The following SULF2 variants were observed in gnomAD, a reference collection of about 807,000 sequenced individuals.
SULF2 encodes the protein extracellular sulfatase Sulf-2.
SULF2 carries 52 observed loss-of-function variants against 107.7 expected under a neutral mutation model. That is an observed-to-expected ratio of 0.48 (90% CI 0.39 to 0.61). The LOEUF (loss-of-function observed/expected upper bound fraction) is 0.61, where lower values mean the gene tolerates loss of function less well. Ranked by LOEUF, SULF2 falls within the 20% of genes least tolerant of loss-of-function variation. SULF2 has a pLI of 0.00. For synonymous variants in SULF2, 460 were observed against 464.3 expected (o/e 0.99, Z 0.12); for missense variants, 993 against 1,177.3 (o/e 0.84, Z 2.29).
intron 4 of SULF2, among the ~76,000 whole-genome samples, chr20:47,696,450 A>G (rs2088380752): frequency 6.6e-6 from 1 of 152,036 alleles, no homozygotes; most frequent in Non-Finnish European, 1.5e-5. Flanking sequence ...ACTGGGAATA[A>G]CCTTTCCAGT....
chr20:47,714,562 ACCTT>A (rs2146663491), intron 3 of SULF2, among the ~76,000 whole-genome samples: 1 of 152,086 alleles, frequency 6.6e-6, no homozygotes, highest in African/African-American at 2.4e-5. Context: ...TCCTGCCTCC[ACCTT>A]CAGCCCATCT....
At chr20:47,749,305 C>G (rs2090112824) in intron 2 of SULF2, among the ~76,000 whole-genome samples, 1 of 152,208 alleles carries the variant, frequency 6.6e-6, no homozygotes, top group Non-Finnish European at 1.5e-5. Flanking sequence ...CAAACCTAAT[C>G]CTGATACACT....
chr20:47,777,356 A>G (rs1266461901), intron 1 of SULF2, among the ~76,000 whole-genome samples: 4 of 152,086 alleles, frequency 2.6e-5, no homozygotes, highest in African/African-American at 9.7e-5. Context: ...TGATTAAAAG[A>G]GAGACAGCAA....
rs769487140 is a variant in SULF2 at position 47,680,715 on chromosome 20, C to T, written c.1065-1911G>A. 1.8e-4 allele frequency among the ~76,000 whole-genome samples: 27 copies of T among 152,184 alleles called. No homozygotes were observed. The highest frequency in any genetic ancestry group is 3.2e-3 in the Middle Eastern group (1 of 316). On this transcript the variant is annotated intron_variant, in intron 7 of 20. Transcript: ENST00000688720. This position sits in a 1 kb window ranked among gnomAD's most constrained non-coding sequence, Gnocchi z 4.2. ...GAGGCGCTACAACTGAATCCAGAGG[C>T]GAGGGAGCTGGGAAGACTGCTGAGC...
intron 1 of SULF2, among the ~76,000 whole-genome samples, chr20:47,783,585 G>A (rs893295067): frequency 6.6e-6 from 1 of 152,122 alleles, no homozygotes; most frequent in African/African-American, 2.4e-5. Flanking sequence ...CTACTCTCAA[G>A]TTTGAAAATT....
rs1046641831 is a variant in SULF2 at position 47,677,103 on chromosome 20, G to A, written c.1225C>T (p.Arg409Trp). The change falls in exon 9 of 21, where the codon CGG becomes TGG. Residue 409 changes from arginine (R) to tryptophan (W), a missense_variant. Coordinates refer to ENST00000688720, the MANE Select transcript of SULF2 (RefSeq NM_001387048.1). ...CCTCTCTCCACCAAGAAGGAGTCCC[G>A]CCAGACCCTCATCTTCTTTTTCAAG... ...FHLKKKMRVW[R>W]DSFLVERGKL... is the part of the protein sequence containing the mutation. 1.1e-5 allele frequency: 18 copies of A among 1,612,906 alleles called. No homozygotes were observed. Among genetic ancestry groups the A allele is most frequent in the Non-Finnish European group, 1.4e-5 (17 of 1,179,752 alleles).
At chr20:47,751,030 A>G (rs1001400918) in intron 2 of SULF2, among the ~76,000 whole-genome samples, 2 of 151,376 alleles carry the variant, frequency 1.3e-5, no homozygotes, top group Admixed American at 1.3e-4. Context: ...TCTCCTCCTC[A>G]CTTTCTGCTC....
At chr20:47,717,665 A>G (rs1198573563) in intron 3 of SULF2, among the ~76,000 whole-genome samples, 1 of 152,174 alleles carries the variant, frequency 6.6e-6, no homozygotes, top group African/African-American at 2.4e-5. Flanking sequence ...GCATCCTCCC[A>G]GAATTCATCC....
chr20:47,747,945 G>A lies in SULF2; in HGVS notation c.175+9244C>T, dbSNP rs549634156. On this transcript the variant is annotated intron_variant, in intron 2 of 20. Coordinates refer to ENST00000688720, the MANE Select transcript of SULF2 (RefSeq NM_001387048.1). ...GCTCTGCAGTGCCCCGTCCTGCTCCGTACCACCAGCATCTCCCACCTGGAC... is the reference window on the plus strand; with the variant it reads ...GCTCTGCAGTGCCCCGTCCTGCTCCATACCACCAGCATCTCCCACCTGGAC... Among the ~76,000 whole-genome samples, 61 of 152,134 alleles carry A rather than the reference G, an allele frequency of 4.0e-4. 1 individual carries two copies. The South Asian group carries it at 0.012, about 29-fold the overall frequency.
At chr20:47,711,695 A>C (rs1477106370) in intron 3 of SULF2, among the ~76,000 whole-genome samples, 1 of 152,232 alleles carries the variant, frequency 6.6e-6, no homozygotes, top group Non-Finnish European at 1.5e-5. Context: ...CCATTTCATT[A>C]AATATTTATT....
chr20:47,676,898 C>T (rs2087660391), intron 9 of SULF2, among the ~76,000 whole-genome samples, 180 bp downstream of exon 9: 1 of 152,220 alleles, frequency 6.6e-6, no homozygotes, highest in South Asian at 2.1e-4. Context: ...GTACACGTGA[C>T]CTCAGACCCC....
intron 4 of SULF2, among the ~76,000 whole-genome samples, chr20:47,690,803 A>AGGCT (rs2088171813): frequency 6.7e-6 from 1 of 150,156 alleles, no homozygotes; most frequent in Admixed American, 6.7e-5. Flanking sequence ...CAGGAGGTGG[A>AGGCT]GGCTGCAGTG....
chr20:47,739,568 G>A (rs1214171487), intron 2 of SULF2, among the ~76,000 whole-genome samples: 1 of 152,082 alleles, frequency 6.6e-6, no homozygotes, highest in Non-Finnish European at 1.5e-5. Flanking sequence ...GCCTTCCCTG[G>A]CCTGTATTGA....
At chr20:47,715,707 G>A (rs1368020034) in intron 3 of SULF2, among the ~76,000 whole-genome samples, 1 of 150,910 alleles carries the variant, frequency 6.6e-6, no homozygotes, top group African/African-American at 2.4e-5. Flanking sequence ...TCAGCCTCCC[G>A]ACTGGCTGGG....
At chr20:47,702,767 C>A in intron 3 of SULF2, 97 bp from the exon 4 acceptor site, 2 of 1,192,754 alleles carry the variant, frequency 1.7e-6, no homozygotes, top group South Asian at 1.4e-5. Context: ...CACACCTGCT[C>A]TGCCATGGAG....
intron 3 of SULF2, among the ~76,000 whole-genome samples, chr20:47,727,190 T>C (rs1011143329): frequency 6.6e-6 from 1 of 152,140 alleles, no homozygotes; most frequent in Non-Finnish European, 1.5e-5. Flanking sequence ...TGTTGTAAGA[T>C]GAAGTTACGC....
At chr20:47,701,451 T>C (rs2088565785) in intron 4 of SULF2, among the ~76,000 whole-genome samples, 1 of 152,238 alleles carries the variant, frequency 6.6e-6, no homozygotes, top group East Asian at 1.9e-4. Flanking sequence ...CTCATGTCAA[T>C]TCATCTTATG....
intron 4 of SULF2, among the ~76,000 whole-genome samples, chr20:47,697,357 G>C (rs1350922921): frequency 6.6e-6 from 1 of 152,218 alleles, no homozygotes; most frequent in East Asian, 1.9e-4. Flanking sequence ...GGCCTTCTGA[G>C]GGGGGCTTAC....
At chr20:47,700,582 A>G (rs1227658139) in intron 4 of SULF2, among the ~76,000 whole-genome samples, 1 of 151,284 alleles carries the variant, frequency 6.6e-6, no homozygotes, top group Non-Finnish European at 1.5e-5. Flanking sequence ...CCAAGTGCTG[A>G]TAAGGGATGC....
Sources: allele counts gnomAD v4.1 joint callset (sites outside exome capture counted in the v4.1 genomes callset), GRCh38; gene constraint gnomAD v4.1.1; non-coding constraint Gnocchi (gnomAD v3.1); transcripts MANE v1.5; gene names NCBI Gene and HGNC (gene_info 2026-07-23, HGNC 2026-07-21).